Variants in SNX25 observed in about 807,000 individuals in gnomAD.
SNX25 encodes the protein sorting nexin-25.
SNX25 carries 62 observed loss-of-function variants against 113.7 expected under a neutral mutation model. The observed-to-expected ratio is 0.55, with a 90% CI of 0.44 to 0.67. SNX25 has a LOEUF of 0.67. SNX25 is among the 30% of genes least tolerant of loss of function. The pLI is 0.00. For synonymous variants in SNX25, 421 were observed against 436.2 expected, an observed-to-expected ratio of 0.97 and a Z score of 0.43; for missense variants, 1,014 against 1,161.0, an observed-to-expected ratio of 0.87 and a Z score of 1.84.
chr4:185,236,350 G>C (rs915332602), intron 1 of SNX25, among the ~76,000 whole-genome samples: 4 of 150,000 alleles, frequency 2.7e-5, no homozygotes, highest in African/African-American at 9.7e-5. Flanking sequence ...CTGGGCAACA[G>C]AGTGAGACCC....
At chr4:185,313,173 T>C (rs1000943300) in intron 7 of SNX25, among the ~76,000 whole-genome samples, 2 of 152,200 alleles carry the variant, frequency 1.3e-5, no homozygotes, top group African/African-American at 4.8e-5. Flanking sequence ...CAGTTATATG[T>C]TGCTTACAAG....
At position 185,334,946 on chromosome 4, in the gene SNX25, C is replaced by T. The variant is rs137887622; in HGVS notation, c.1914+2187C>T. Among the ~76,000 whole-genome samples, 597 of 152,264 alleles carry T rather than the reference C, an allele frequency of 3.9e-3. 1 individual carries two copies. The highest frequency in any genetic ancestry group is 0.013 in the African/African-American group (530 of 41,548). On this transcript the variant is annotated intron_variant, in intron 10 of 18. Coordinates refer to ENST00000652585, the MANE Select transcript of SNX25 (RefSeq NM_001378034.2). This position sits in a 1 kb window ranked among gnomAD's most constrained non-coding sequence, Gnocchi z 4.2. ...AAAGGGCTCTGAGGATGGAAGGCAG[C>T]TGATCCTTCTCTCCAGAAGAAGACA...
chr4:185,257,081 A>C (rs1258113051), intron 2 of SNX25, among the ~76,000 whole-genome samples: 1 of 151,790 alleles, frequency 6.6e-6, no homozygotes, highest in African/African-American at 2.4e-5. Flanking sequence ...CCAGGGATAA[A>C]GTAGTGTGCA....
At chr4:185,275,250 A>G (rs1016033042) in intron 5 of SNX25, among the ~76,000 whole-genome samples, 4 of 152,210 alleles carry the variant, frequency 2.6e-5, no homozygotes, top group Non-Finnish European at 4.4e-5. Flanking sequence ...GAAGATCAAC[A>G]TGGAGAATCT....
At chr4:185,323,217 T>C (rs2095133501) in intron 8 of SNX25, among the ~76,000 whole-genome samples, 1 of 152,216 alleles carries the variant, frequency 6.6e-6, no homozygotes, top group Non-Finnish European at 1.5e-5. Flanking sequence ...CATTTTCTTC[T>C]TGTGGAATTG....
At chr4:185,216,513 G>GTTTTTTTTTT (rs34410263) in intron 1 of SNX25, among the ~76,000 whole-genome samples, 5 of 96,736 alleles carry the variant, frequency 5.2e-5, no homozygotes, top group African/African-American at 1.6e-4. Context: ...TGTGTATTTG[G>GTTTTTTTTTT]TTTTTTTTTT....
At chr4:185,213,215 G>A (rs1738217356) in intron 1 of SNX25, among the ~76,000 whole-genome samples, 3 of 152,188 alleles carry the variant, frequency 2.0e-5, no homozygotes, top group Admixed American at 1.3e-4. Context: ...GGTGAAGAAC[G>A]TTATGTCCAT....
At chr4:185,249,032 G>A (rs1745256263) in intron 2 of SNX25, among the ~76,000 whole-genome samples, 1 of 152,178 alleles carries the variant, frequency 6.6e-6, no homozygotes, top group South Asian at 2.1e-4. Context: ...CAGTGATACA[G>A]CTATGACAAT....
intron 3 of SNX25, among the ~76,000 whole-genome samples, chr4:185,262,896 C>T (rs1239070078): frequency 2.0e-5 from 3 of 152,210 alleles, no homozygotes; most frequent in Non-Finnish European, 2.9e-5. Flanking sequence ...ACAGAAGCAG[C>T]CCCACCCCTC....
At chr4:185,224,450 T>TATAA (rs553047513) in intron 1 of SNX25, among the ~76,000 whole-genome samples, 514 of 18,428 alleles carry the variant, frequency 0.028, 13 homozygotes, top group East Asian at 0.15. Flanking sequence ...TATATAAATA[T>TATAA]ATATATAGAT....
chr4:185,332,972 A>G (rs3733644), intron 10 of SNX25, among the ~76,000 whole-genome samples: 27,145 of 152,180 alleles, frequency 0.18, 3,184 homozygotes, highest in African/African-American at 0.34. Context: ...AACTGTGAGC[A>G]ACTCTGTTCT....
At chr4:185,245,273 A>G (rs1744685033) in intron 1 of SNX25, among the ~76,000 whole-genome samples, 1 of 151,534 alleles carries the variant, frequency 6.6e-6, no homozygotes, top group African/African-American at 2.4e-5. Context: ...TTTTTAATGT[A>G]GTCTCACTAG....
intron 1 of SNX25, among the ~76,000 whole-genome samples, chr4:185,231,948 T>G (rs1741941942): frequency 6.6e-6 from 1 of 152,214 alleles, no homozygotes; most frequent in South Asian, 2.1e-4. Context: ...TATCTTAATA[T>G]GACACATTTA....
intron 9 of SNX25, among the ~76,000 whole-genome samples, chr4:185,330,479 T>C (rs958817207): frequency 6.6e-6 from 1 of 152,230 alleles, no homozygotes; most frequent in African/African-American, 2.4e-5. Flanking sequence ...AAGATGGCGA[T>C]GCTCCTGCTC....
rs927905964 is a variant in SNX25 at position 185,363,299 on chromosome 4, A to G, written c.2935-86A>G. ...GAGATAATTTCAGACCTAAAATTAG[A>G]CTTTTCTCTTAGATGCAGATATTTA... On this transcript the variant is annotated intron_variant, in intron 18 of 18. Transcript: ENST00000652585. This position sits in a 1 kb window ranked among gnomAD's most constrained non-coding sequence, Gnocchi z 4.2. The G allele has an allele frequency of 1.1e-5, 14 of 1,267,864 alleles. No individual in the cohort carries two copies. The African/African-American group carries it at 2.1e-4, about 19-fold the overall frequency. 78.5% of individuals were successfully genotyped at this position (1,267,864 alleles called of 1,614,324 possible).
At chr4:185,276,066 G>A (rs945619881) in intron 5 of SNX25, among the ~76,000 whole-genome samples, 5 of 151,978 alleles carry the variant, frequency 3.3e-5, no homozygotes, top group African/African-American at 1.2e-4. Flanking sequence ...TTTTCATTTA[G>A]CAAGAAGGAT....
At chr4:185,371,520 C>A (rs992018419), downstream of SNX25, among the ~76,000 whole-genome samples, 4 of 121,710 alleles carry the variant, frequency 3.3e-5, no homozygotes, top group Admixed American at 1.1e-4. Context: ...CCAGCCTGGG[C>A]AACAGAGCGA....
rs534808602 is a variant in SNX25 at position 185,241,260 on chromosome 4, G to A, written c.430-6034G>A. Among the ~76,000 whole-genome samples the A allele has an allele frequency of 1.1e-4, 17 of 152,102 alleles. No individual in the cohort carries two copies. The East Asian group carries it at 1.7e-3, about 16-fold the overall frequency. On this transcript the variant is annotated intron_variant, in intron 1 of 18. Coordinates refer to ENST00000652585, the MANE Select transcript of SNX25 (RefSeq NM_001378034.2). Reference sequence around the variant, plus strand: ...GGAGGCCGAGGCTGGCGGATCACTCGCGGTTAGGAGCTGGAGACCAGCCCG... The same window carrying A: ...GGAGGCCGAGGCTGGCGGATCACTCACGGTTAGGAGCTGGAGACCAGCCCG...
downstream of SNX25, chr4:185,374,157 T>C: frequency 6.2e-7 from 1 of 1,614,170 alleles, no homozygotes; most frequent in Non-Finnish European, 8.5e-7. Context: ...CTTGGGCTCC[T>C]TGGTTGAGTA....
Sources: gnomAD v4.1 joint callset for allele counts (sites outside exome capture counted in the v4.1 genomes callset) on GRCh38, gnomAD v4.1.1 for gene constraint, Gnocchi (gnomAD v3.1) non-coding constraint, MANE v1.5 for transcripts, NCBI Gene and HGNC (gene_info 2026-07-23, HGNC 2026-07-21) for gene names.